Variants in CD300LG observed in about 807,000 individuals in gnomAD.
The protein encoded by CD300LG is CD300 molecule like family member g, also known as CMRF35-like molecule 9.
CD300LG carries 29 observed loss-of-function variants against 31.5 expected under a neutral mutation model. The observed-to-expected ratio is 0.92, with a 90% CI of 0.68 to 1.25. The LOEUF (loss-of-function observed/expected upper bound fraction) is 1.25. Ranked by LOEUF, CD300LG falls within the 50% of genes most tolerant of loss-of-function variation. The pLI, the probability that CD300LG is intolerant of heterozygous loss-of-function variation, is 0.00. For missense variants in CD300LG, 396 were observed against 417.6 expected (o/e 0.95, Z 0.45); for synonymous variants, 175 against 177.2 (o/e 0.99, Z 0.10).
intron 4 of CD300LG, 136 bp from the exon 5 acceptor site, chr17:43,855,071 C>T (rs1052923586): frequency 3.0e-5 from 5 of 164,500 alleles, no homozygotes; most frequent in East Asian, 4.2e-4. Context: ...ACCACCACCC[C>T]CCACAAGTCT....
intron 5 of CD300LG, 142 bp downstream of exon 5, chr17:43,855,461 C>G (rs4793041): frequency 0.15 from 74,987 of 500,130 alleles, 6,306 homozygotes; most frequent in Middle Eastern, 0.17. Flanking sequence ...GGAGCTGTGG[C>G]CTCCCTTCTG....
chr17:43,857,970 C>T (rs2046572996), intron 6 of CD300LG: 1 of 1,514,706 alleles, frequency 6.6e-7, no homozygotes, highest in Admixed American at 2.1e-5. Flanking sequence ...GAGACTGTGC[C>T]CTCCGAGGCC....
At chr17:43,857,913 C>G (rs1597714297) in intron 6 of CD300LG, 7 of 1,535,876 alleles carry the variant, frequency 4.6e-6, no homozygotes, top group Non-Finnish European at 5.2e-6. Context: ...GTCCCTGTGC[C>G]CATTGTCTGG....
chr17:43,855,219 G>T lies in CD300LG; in HGVS notation c.732G>T (p.Pro244=). The T allele has an allele frequency of 6.2e-7, 1 of 1,606,104 alleles. No individual in the cohort carries two copies. The highest frequency in any genetic ancestry group is 1.3e-5 in the African/African-American group (1 of 74,798). Residue 244 remains proline, a synonymous_variant, in exon 5 of 7, where the codon CCG becomes CCT. Transcript: ENST00000317310. ...SGSSKPRVSI[P]MVRILAPVLV... is the part of the protein sequence containing the mutation. Reference sequence around the variant, plus strand: ...GTCTCGTCTCCAGGGTGTCCATCCCGATGGTCCGCATACTGGCCCCAGTCC... The same window carrying T: ...GTCTCGTCTCCAGGGTGTCCATCCCTATGGTCCGCATACTGGCCCCAGTCC...
intron 6 of CD300LG, chr17:43,861,293 G>T: frequency 2.0e-6 from 2 of 985,328 alleles, no homozygotes; most frequent in South Asian, 4.7e-5. Flanking sequence ...GGGCTGAGGA[G>T]CCACCTTGCC....
chr17:43,854,749 G>C (rs1416498729), intron 4 of CD300LG, among the ~76,000 whole-genome samples: 1 of 152,130 alleles, frequency 6.6e-6, no homozygotes, highest in Non-Finnish European at 1.5e-5. Context: ...TCAGGTGTCA[G>C]TTTCTCCAGT....
chr17:43,847,285 G>A, intron 1 of CD300LG, 26 bp downstream of exon 1: 1 of 1,613,058 alleles, frequency 6.2e-7, no homozygotes, highest in Non-Finnish European at 8.5e-7. Context: ...GGTCTCGGGA[G>A]GGATGTGGGG....
chr17:43,847,388 G>T (rs544145451), intron 1 of CD300LG, 129 bp downstream of exon 1: 3 of 963,164 alleles, frequency 3.1e-6, no homozygotes, highest in East Asian at 6.3e-5. Context: ...GGGGAGCGGG[G>T]CGGGCTGGGG....
rs1173745455 is a variant in CD300LG at position 43,848,784 on chromosome 17, C to T, written c.270C>T (p.Leu90=). 4 of 1,614,048 alleles carry T rather than the reference C, an allele frequency of 2.5e-6. No individual in the cohort carries two copies. Among genetic ancestry groups the T allele is most frequent in the Non-Finnish European group, 3.4e-6 (4 of 1,180,044 alleles). Residue 90 remains leucine, a synonymous_variant, in exon 2 of 7, where the codon CTC becomes CTT. Transcript: ENST00000317310. ...SIRDSRQELS[L]IVTLWNLTLQ... ...GTGACAGCCGCCAGGAGCTCTCGCT[C>T]ATTGTGACCCTGTGGAACCTCACCC...
At position 43,852,973 on chromosome 17, in the gene CD300LG, G is replaced by A. The variant is rs960678420; in HGVS notation, c.441G>A (p.Gln147=). Residue 147 remains glutamine, a synonymous_variant, in exon 3 of 7, where the codon CAG becomes CAA. Coordinates refer to ENST00000317310, the MANE Select transcript of CD300LG (RefSeq NM_145273.4). ...TFQPLATTRL[Q]PKAKAQQTQP... is the part of the protein sequence containing the mutation. ...AGCCTCTGGCTACAACACGCCTGCA[G>A]CCCAAGGCAAAAGCTCAGCAAACCC... The A allele has an allele frequency of 1.7e-5, 27 of 1,612,330 alleles. No individual in the cohort carries two copies. Among genetic ancestry groups the A allele is most frequent in the Non-Finnish European group, 2.2e-5 (26 of 1,179,260 alleles).
In CD300LG at chr17:43,854,003, G is replaced by A. The variant is rs773012123; in HGVS notation, c.678G>A (p.Glu226=). ...TGCAGCTGGACTCCACCTCAGCAGA[G>A]GACACCAGTCCAGCTCTCAGCAGTG... ...PPMQLDSTSA[E]DTSPALSSGS... The change falls in exon 4 of 7, where the codon GAG becomes GAA. Residue 226 remains glutamate (E), a synonymous_variant. Transcript: ENST00000317310. 1.9e-6 allele frequency: 3 copies of A among 1,614,208 alleles called. 1 individual carries two copies. In the South Asian group the frequency reaches 3.3e-5, roughly 18 times the overall value.
At chr17:43,850,460 C>T (rs2046316783) in intron 2 of CD300LG, among the ~76,000 whole-genome samples, 1 of 151,544 alleles carries the variant, frequency 6.6e-6, no homozygotes, top group Admixed American at 6.6e-5. Flanking sequence ...TTTATTCATT[C>T]ATTCATTCAT....
rs1299221064 is a variant in CD300LG, at chr17:43,861,836, G to T, written c.924G>T (p.Glu308Asp). ...EEKEAPSQAP[E>D]GDVISMPPLH... Reference sequence around the variant, plus strand: ...AGGAAGCCCCTTCCCAGGCCCCTGAGGGGGACGTGATCTCGATGCCTCCCC... The same window carrying T: ...AGGAAGCCCCTTCCCAGGCCCCTGATGGGGACGTGATCTCGATGCCTCCCC... The change falls in exon 7 of 7, where the codon GAG (glutamate) becomes GAT (aspartate). Residue 308 changes from glutamate to aspartate, a missense_variant. Coordinates refer to ENST00000317310, the MANE Select transcript of CD300LG (RefSeq NM_145273.4). 1 of 1,612,454 alleles carries T rather than the reference G, an allele frequency of 6.2e-7. No homozygotes were observed. The highest frequency in any genetic ancestry group is 1.1e-5 in the South Asian group (1 of 90,834).
chr17:43,852,280 A>G (rs1598393445), intron 2 of CD300LG, among the ~76,000 whole-genome samples: 1 of 151,094 alleles, frequency 6.6e-6, no homozygotes, highest in South Asian at 2.1e-4. Flanking sequence ...ATCTTGGCTC[A>G]CTGCAATCAC....
chr17:43,851,613 C>T (rs2046357481), intron 2 of CD300LG, among the ~76,000 whole-genome samples: 2 of 150,716 alleles, frequency 1.3e-5, no homozygotes, highest in South Asian at 4.2e-4. Context: ...AGGCTTCTGC[C>T]CACTGTGCTG....
chr17:43,852,319 A>G (rs1333573087), intron 2 of CD300LG, among the ~76,000 whole-genome samples: 1 of 151,960 alleles, frequency 6.6e-6, no homozygotes, highest in Non-Finnish European at 1.5e-5. Context: ...GGTTCAAGCA[A>G]TTCTCCTGCC....
At chr17:43,851,865 C>T (rs959132803) in intron 2 of CD300LG, among the ~76,000 whole-genome samples, 1 of 151,836 alleles carries the variant, frequency 6.6e-6, no homozygotes. Context: ...CAGGGAGACC[C>T]AGTACACAAG....
chr17:43,852,509 C>T (rs1018619910), intron 2 of CD300LG, among the ~76,000 whole-genome samples: 18 of 152,140 alleles, frequency 1.2e-4, no homozygotes, highest in Non-Finnish European at 2.1e-4. Flanking sequence ...CCACCACACC[C>T]GGCCTGAAGC....
chr17:43,847,677 T>C (rs991110552), intron 1 of CD300LG, among the ~76,000 whole-genome samples: 2 of 152,224 alleles, frequency 1.3e-5, no homozygotes, highest in African/African-American at 4.8e-5. Flanking sequence ...ATCAATTCTT[T>C]TGCTTTCTTT....
Sources: gnomAD v4.1 joint callset for allele counts (sites outside exome capture counted in the v4.1 genomes callset) on GRCh38, gnomAD v4.1.1 for gene constraint, MANE v1.5 for transcripts, NCBI Gene and HGNC (gene_info 2026-07-23, HGNC 2026-07-21) for gene names.